The following NCKAP5 variants were observed in gnomAD, a reference collection of about 807,000 sequenced individuals.
NCKAP5 encodes NCK associated protein 5.
Under a neutral mutation model 167.0 loss-of-function variants are expected in NCKAP5, and 92 were observed. The observed-to-expected ratio is 0.55, with a 90% CI of 0.47 to 0.66. The LOEUF (loss-of-function observed/expected upper bound fraction) is 0.66, where lower values mean the gene tolerates loss of function less well. NCKAP5 is among the 30% of genes least tolerant of loss of function. The pLI is 0.00. For synonymous variants in NCKAP5, 891 were observed against 877.4 expected, an observed-to-expected ratio of 1.02 and a Z score of -0.27; for missense variants, 2,378 against 2,315.0, an observed-to-expected ratio of 1.03 and a Z score of -0.56.
the NCKAP5 span, among the ~76,000 whole-genome samples, chr2:133,600,515 A>G: frequency 6.6e-6 from 1 of 152,204 alleles, no homozygotes; most frequent in Non-Finnish European, 1.5e-5. Flanking sequence ...TCACGTGCCC[A>G]CTGGAGCAGA....
At chr2:132,794,253 TATATATATATAGAGAG>T (rs1371724996) in intron 12 of NCKAP5, among the ~76,000 whole-genome samples, 79 of 55,110 alleles carry the variant, frequency 1.4e-3, no homozygotes, top group Non-Finnish European at 1.7e-3. Context: ...TATATATATA[TATATATATATAGAGAG>T]AGAGAGAGAG....
At chr2:132,878,611 GATACAC>G (rs1406638246) in intron 9 of NCKAP5, among the ~76,000 whole-genome samples, 2 of 103,396 alleles carry the variant, frequency 1.9e-5, no homozygotes, top group African/African-American at 8.1e-5. Flanking sequence ...GAGGGGGGCA[GATACAC>G]ACACACACAC....
At chr2:133,121,310 G>A (rs1389396397) in intron 6 of NCKAP5, among the ~76,000 whole-genome samples, 3 of 152,012 alleles carry the variant, frequency 2.0e-5, no homozygotes, top group East Asian at 3.9e-4. Context: ...TTTAACAGAT[G>A]CACAAGACTA....
chr2:133,169,436 C>G (rs931832729), intron 5 of NCKAP5, among the ~76,000 whole-genome samples: 4 of 152,154 alleles, frequency 2.6e-5, no homozygotes, highest in Non-Finnish European at 5.9e-5. Flanking sequence ...GGAGCTTTAC[C>G]GACAGAACAG....
chr2:133,118,059 C>G (rs2082136292), intron 6 of NCKAP5: 1 of 152,226 alleles, frequency 6.6e-6, no homozygotes, highest in Non-Finnish European at 1.5e-5. Flanking sequence ...CCCTCTTCAC[C>G]TGCACATGCT....
chr2:133,664,462 A>G, the NCKAP5 span, among the ~76,000 whole-genome samples: 9 of 152,114 alleles, frequency 5.9e-5, no homozygotes, highest in African/African-American at 1.2e-4. Flanking sequence ...TCTTCTTCCA[A>G]TATAAGGCTA....
At chr2:132,844,728 G>A (rs562404782) in intron 11 of NCKAP5, among the ~76,000 whole-genome samples, 15 of 152,176 alleles carry the variant, frequency 9.9e-5, no homozygotes, top group South Asian at 2.1e-4. Context: ...TTTGCTACTT[G>A]AAAACAGTGC....
At chr2:132,937,460 TCTTA>T (rs1696940208) in intron 8 of NCKAP5, among the ~76,000 whole-genome samples, 1 of 152,136 alleles carries the variant, frequency 6.6e-6, no homozygotes. Flanking sequence ...ATTTGAAGAG[TCTTA>T]CTTTTGTAAA....
At chr2:133,465,320 C>G (rs567399373) in intron 3 of NCKAP5, among the ~76,000 whole-genome samples, 33 of 152,048 alleles carry the variant, frequency 2.2e-4, no homozygotes, top group South Asian at 1.7e-3. Context: ...TATCCATGTC[C>G]CTACAAAGGA....
chr2:132,803,358 G>C (rs924058372), intron 11 of NCKAP5, among the ~76,000 whole-genome samples: 3 of 152,224 alleles, frequency 2.0e-5, no homozygotes, highest in African/African-American at 7.2e-5. Context: ...GCTGCCCTGA[G>C]TGCATTCTGT....
intron 2 of NCKAP5, among the ~76,000 whole-genome samples, chr2:133,547,021 G>C (rs539637181): frequency 6.6e-6 from 1 of 152,160 alleles, no homozygotes; most frequent in Non-Finnish European, 1.5e-5. Context: ...GTGGGTGCGC[G>C]CACCGTGCGC....
chr2:133,203,638 T>A (rs755647488), intron 5 of NCKAP5, among the ~76,000 whole-genome samples: 3 of 152,178 alleles, frequency 2.0e-5, no homozygotes, highest in Non-Finnish European at 2.9e-5. Context: ...GAATGCTATC[T>A]CTGCCTCCGG....
intron 2 of NCKAP5, among the ~76,000 whole-genome samples, chr2:133,551,119 T>C (rs964560594): frequency 1.1e-4 from 17 of 152,004 alleles, no homozygotes; most frequent in East Asian, 5.8e-4. Context: ...GGAAGAACAT[T>C]CCATGCTCAT....
chr2:133,319,239 T>C (rs771817458), intron 3 of NCKAP5, among the ~76,000 whole-genome samples: 2 of 132,054 alleles, frequency 1.5e-5, no homozygotes, highest in Admixed American at 1.9e-4. Context: ...TGATGAACAA[T>C]TCAAGGTTTC....
chr2:133,192,677 T>C (rs921223995), intron 5 of NCKAP5, among the ~76,000 whole-genome samples: 3 of 151,950 alleles, frequency 2.0e-5, no homozygotes, highest in Admixed American at 1.3e-4. Flanking sequence ...ATTAGAGTAA[T>C]GCAAACTAAA....
chr2:133,213,593 C>A, intron 5 of NCKAP5, 123 bp downstream of exon 5: 1 of 919,000 alleles, frequency 1.1e-6, no homozygotes, highest in Non-Finnish European at 1.7e-6. Flanking sequence ...CATCATTTGC[C>A]AAAATATCAT....
At chr2:133,610,034 C>T in the NCKAP5 span, among the ~76,000 whole-genome samples, 18 of 152,138 alleles carry the variant, frequency 1.2e-4, no homozygotes, top group Non-Finnish European at 2.5e-4. Flanking sequence ...GCAAATGATC[C>T]TAAGATAAAT....
At chr2:133,584,179 A>T in the NCKAP5 span, among the ~76,000 whole-genome samples, 1 of 152,228 alleles carries the variant, frequency 6.6e-6, no homozygotes, top group Non-Finnish European at 1.5e-5. Flanking sequence ...AGGATAGTTC[A>T]GGTAATTAGA....
chr2:132,775,122 G>A (rs192100789), intron 15 of NCKAP5, among the ~76,000 whole-genome samples: 29 of 152,248 alleles, frequency 1.9e-4, no homozygotes, highest in Admixed American at 1.3e-4. Flanking sequence ...TGGGTGTCCC[G>A]CTTAGGCACG....
Sources: allele counts gnomAD v4.1 joint callset (sites outside exome capture counted in the v4.1 genomes callset), GRCh38; gene constraint gnomAD v4.1.1; transcripts MANE v1.5; gene names NCBI Gene and HGNC (gene_info 2026-07-23, HGNC 2026-07-21).